The following COL4A1 variants were observed in gnomAD, a reference collection of about 807,000 sequenced individuals.
COL4A1 encodes collagen alpha-1(IV) chain.
Under a neutral mutation model 216.6 loss-of-function variants are expected in COL4A1, and 40 were observed. The observed-to-expected ratio is 0.18, with a 90% CI of 0.14 to 0.24. The LOEUF (loss-of-function observed/expected upper bound fraction) is 0.24. Among genes scored for constraint, COL4A1 ranks in the 10% least tolerant of loss-of-function variants. COL4A1 has a pLI of 1.00. For synonymous variants in COL4A1, 839 were observed against 810.7 expected, an observed-to-expected ratio of 1.03 and a Z score of -0.59; for missense variants, 1,628 against 2,196.8, an observed-to-expected ratio of 0.74 and a Z score of 5.18.
chr13:110,186,449 A>G lies in COL4A1; in HGVS notation c.1833T>C (p.Ala611=). 1.9e-6 allele frequency: 3 copies of G among 1,613,834 alleles called. No homozygotes were observed. Among genetic ancestry groups the G allele is most frequent in the South Asian group, 2.2e-5 (2 of 91,080 alleles). Residue 611 remains alanine, a synonymous_variant, in exon 26 of 52, where the codon GCT becomes GCC. Transcript: ENST00000375820. ...GPPGPPGYGP[A]GPIGDKGQAG... The stretch of plus-strand genomic sequence containing the variant: ...CTTGTCCTTTGTCACCAATGGGACC[A>G]GCAGGACCATATCCTGGAGGCCCAG...
chr13:110,223,781 A>G (rs1446542868), intron 2 of COL4A1, among the ~76,000 whole-genome samples: 1 of 152,164 alleles, frequency 6.6e-6, no homozygotes, highest in African/African-American at 2.4e-5. Flanking sequence ...AGTTGCACAG[A>G]GCTCTCTGGG....
At position 110,155,276 on chromosome 13, in the gene COL4A1, C is replaced by A. The variant is rs746450625; in HGVS notation, c.4755+7G>T. On this transcript the variant is annotated splice_region_variant and intron_variant, in intron 50 of 51. Transcript: ENST00000375820. ...CCGGGAAATATGGCGTCTCCCCAGA[C>A]ACTTACCATCACAAAAGAGTAGCCG... 2 of 1,605,838 alleles carry A rather than the reference C, an allele frequency of 1.2e-6. No homozygotes were observed. Among genetic ancestry groups the A allele is most frequent in the East Asian group, 2.2e-5 (1 of 44,848 alleles).
intron 1 of COL4A1, among the ~76,000 whole-genome samples, chr13:110,292,947 C>T (rs747550185): frequency 3.3e-5 from 5 of 152,304 alleles, no homozygotes; most frequent in South Asian, 2.1e-4. Context: ...AAAGATATCA[C>T]GCCTCAAATT....
chr13:110,263,288 A>G (rs1346533873), intron 1 of COL4A1, among the ~76,000 whole-genome samples: 1 of 152,236 alleles, frequency 6.6e-6, no homozygotes, highest in Non-Finnish European at 1.5e-5. Context: ...GGAGGTTCAG[A>G]TAAGACAGAA....
chr13:110,177,535 A>T (rs71440053), intron 33 of COL4A1, among the ~76,000 whole-genome samples: 4,380 of 152,256 alleles, frequency 0.029, 94 homozygotes, highest in Non-Finnish European at 0.046. Context: ...GAGCCTAAGG[A>T]CTCGGTCCCT....
rs770880992 is a variant in COL4A1, at chr13:110,164,952, T to C, written c.4060A>G (p.Ile1354Val). ...GGGAGCCCGGGCTCCCCTTTGATGA[T>C]GTCGTAAGGACCTGGGGGGCCAGGA... ...GPPGPPGPYDIIKGEPGLPGP... is the reference protein window; with the variant it reads ...GPPGPPGPYDVIKGEPGLPGP... The change falls in exon 46 of 52, where the codon ATC (isoleucine) becomes GTC (valine). Residue 1354 changes from isoleucine to valine, a missense_variant. Physicochemically the swap from Ile to Val is conservative, Grantham distance 29. Around this residue, in one of 8 missense-constraint regions of COL4A1, gnomAD observed 345 missense variants for 476.9 expected, o/e 0.72. Transcript: ENST00000375820. 7 of 1,604,932 alleles carry C rather than the reference T, an allele frequency of 4.4e-6. No homozygotes were observed. In the South Asian group the frequency reaches 4.5e-5, roughly 10 times the overall value.
chr13:110,233,088 A>T (rs750412897), intron 2 of COL4A1, among the ~76,000 whole-genome samples: 9 of 152,198 alleles, frequency 5.9e-5, no homozygotes, highest in Non-Finnish European at 8.8e-5. Flanking sequence ...CATTTAGCAT[A>T]GATCTGCTTC....
chr13:110,173,797 G>C (rs1877751057), intron 40 of COL4A1, 103 bp downstream of exon 40: 7 of 1,333,588 alleles, frequency 5.2e-6, no homozygotes, highest in Non-Finnish European at 7.5e-6. Flanking sequence ...TGCAGTCTAG[G>C]GGCCATTCTG....
chr13:110,278,531 C>T (rs1883508041), intron 1 of COL4A1, among the ~76,000 whole-genome samples: 1 of 152,128 alleles, frequency 6.6e-6, no homozygotes. Flanking sequence ...TTCATTCATT[C>T]TTCTAATCAT....
intron 1 of COL4A1, among the ~76,000 whole-genome samples, chr13:110,267,183 C>T (rs1883072019): frequency 6.6e-6 from 1 of 152,096 alleles, no homozygotes; most frequent in Non-Finnish European, 1.5e-5. Context: ...CCAGTGGGCC[C>T]TGAGCCTCCC....
At chr13:110,206,071 C>T (rs1188754748) in intron 15 of COL4A1, among the ~76,000 whole-genome samples, 3 of 152,150 alleles carry the variant, frequency 2.0e-5, no homozygotes, top group African/African-American at 7.2e-5. Context: ...TTTTAAAGAG[C>T]AGAGTCCGAT....
chr13:110,238,619 G>C (rs7989549), intron 2 of COL4A1, among the ~76,000 whole-genome samples: 4 of 152,106 alleles, frequency 2.6e-5, no homozygotes, highest in African/African-American at 9.7e-5. Flanking sequence ...CCTGGAATGT[G>C]ATGGTTTACT....
At position 110,239,549 on chromosome 13, in the gene COL4A1, T is replaced by C. The variant is rs551573686; in HGVS notation, c.144+3126A>G. On this transcript the variant is annotated intron_variant, in intron 2 of 51. Coordinates refer to ENST00000375820, the MANE Select transcript of COL4A1 (RefSeq NM_001845.6). ...TTTAATGTGTAGACATTTGAGAATA[T>C]CAAAATAATTTCTATGAGGATAGAA... is the stretch of plus-strand genomic sequence containing the variant. 1.8e-4 allele frequency among the ~76,000 whole-genome samples: 28 copies of C among 152,316 alleles called. No individual in the cohort carries two copies. The East Asian group carries it at 5.4e-3, about 29-fold the overall frequency.
chr13:110,253,593 T>G (rs1391781081), intron 1 of COL4A1, among the ~76,000 whole-genome samples: 2 of 141,462 alleles, frequency 1.4e-5, no homozygotes, highest in African/African-American at 5.1e-5. Context: ...ATGCATATAA[T>G]TATACGTATG....
At chr13:110,186,325 G>T in intron 26 of COL4A1, 60 bp downstream of exon 26, 2 of 1,606,856 alleles carry the variant, frequency 1.2e-6, no homozygotes, top group Non-Finnish European at 1.7e-6. Flanking sequence ...TGCACCCGAG[G>T]TGCCTGCCCT....
At chr13:110,236,431 G>A (rs1282502936) in intron 2 of COL4A1, among the ~76,000 whole-genome samples, 1 of 152,152 alleles carries the variant, frequency 6.6e-6, no homozygotes, top group Non-Finnish European at 1.5e-5. Flanking sequence ...AGTAACAACT[G>A]AAAAACATGC....
chr13:110,273,249 G>T (rs1468447346), intron 1 of COL4A1, among the ~76,000 whole-genome samples: 1 of 152,216 alleles, frequency 6.6e-6, no homozygotes, highest in African/African-American at 2.4e-5. Flanking sequence ...ATGGAGAAAA[G>T]TGGAGAAGGT....
At chr13:110,261,228 C>T (rs1882812390) in intron 1 of COL4A1, among the ~76,000 whole-genome samples, 1 of 152,126 alleles carries the variant, frequency 6.6e-6, no homozygotes, top group Admixed American at 6.5e-5. Context: ...GAATGGAGCC[C>T]CCACACACCG....
At chr13:110,175,157 C>T in intron 37 of COL4A1, 61 bp downstream of exon 37, 2 of 1,601,926 alleles carry the variant, frequency 1.2e-6, no homozygotes, top group Non-Finnish European at 1.7e-6. Context: ...CTGAGCATTT[C>T]TCAGGCAGCA....
Sources: gnomAD v4.1 joint callset for allele counts (sites outside exome capture counted in the v4.1 genomes callset) on GRCh38, gnomAD v4.1.1 for gene constraint, gnomAD v4.1.1 regional missense constraint, MANE v1.5 for transcripts, NCBI Gene and HGNC (gene_info 2026-07-23, HGNC 2026-07-21) for gene names.